Variants in SOCS5 observed in about 807,000 individuals in gnomAD.
SOCS5 encodes the protein suppressor of cytokine signaling 5.
SOCS5 carries 32 observed loss-of-function variants against 42.8 expected under a neutral mutation model. The observed-to-expected ratio is 0.75, with a 90% CI of 0.56 to 1.01. The LOEUF is 1.01. Among genes scored for constraint, SOCS5 ranks in the 50% least tolerant of loss-of-function variants. SOCS5 has a pLI of 0.00. For missense variants in SOCS5, 627 were observed against 653.0 expected, an observed-to-expected ratio of 0.96 and a Z score of 0.43; for synonymous variants, 283 against 229.6, an observed-to-expected ratio of 1.23 and a Z score of -2.10.
intron 1 of SOCS5, among the ~76,000 whole-genome samples, chr2:46,722,227 G>C (rs532602203): frequency 1.3e-5 from 2 of 152,148 alleles, no homozygotes; most frequent in Admixed American, 6.5e-5. Context: ...ATCTTTGTAA[G>C]TAATTTTTTA....
chr2:46,736,009 C>A (rs1673236385), intron 1 of SOCS5, among the ~76,000 whole-genome samples: 1 of 149,262 alleles, frequency 6.7e-6, no homozygotes, highest in Non-Finnish European at 1.5e-5. Flanking sequence ...CATTCCCCTT[C>A]CCTTCCCTCC....
chr2:46,751,240 G>A (rs1157461818), intron 1 of SOCS5, among the ~76,000 whole-genome samples: 4 of 151,976 alleles, frequency 2.6e-5, no homozygotes, highest in Non-Finnish European at 2.9e-5. Flanking sequence ...AGCCATTACT[G>A]TCAAGATTAT....
chr2:46,710,203 G>A (rs1572829779), intron 1 of SOCS5, among the ~76,000 whole-genome samples: 2 of 152,262 alleles, frequency 1.3e-5, no homozygotes, highest in African/African-American at 4.8e-5. Context: ...CTGGAGTGCA[G>A]TGGCGCAATC....
intron 1 of SOCS5, among the ~76,000 whole-genome samples, chr2:46,739,072 G>C (rs1215060546): frequency 6.6e-6 from 1 of 152,180 alleles, no homozygotes; most frequent in Non-Finnish European, 1.5e-5. Context: ...CCAGTAGAAA[G>C]TGGATGCTTC....
At chr2:46,740,830 G>T (rs901164750) in intron 1 of SOCS5, among the ~76,000 whole-genome samples, 2 of 152,116 alleles carry the variant, frequency 1.3e-5, no homozygotes, top group African/African-American at 2.4e-5. Context: ...TTGTGTCACT[G>T]ATTTTGTTCT....
intron 1 of SOCS5, among the ~76,000 whole-genome samples, chr2:46,741,518 AT>A (rs1673375744): frequency 6.6e-6 from 1 of 152,192 alleles, no homozygotes. Flanking sequence ...TGAATCTAAT[AT>A]TTTGGAAAGT....
At chr2:46,736,126 G>A (rs748057380) in intron 1 of SOCS5, among the ~76,000 whole-genome samples, 19 of 151,318 alleles carry the variant, frequency 1.3e-4, no homozygotes, top group Non-Finnish European at 1.8e-4. Flanking sequence ...CTGCAGCCTC[G>A]ACTTTCTGGG....
At chr2:46,750,655 C>T (rs577702835) in intron 1 of SOCS5, among the ~76,000 whole-genome samples, 1 of 152,238 alleles carries the variant, frequency 6.6e-6, no homozygotes, top group East Asian at 1.9e-4. Flanking sequence ...AATACCAGAA[C>T]ATTTCTGAGC....
rs35187667 is a variant in SOCS5, at chr2:46,716,367, A to ATTTTTTTTTTTTTT, written c.-13+16934_-13+16947dup. ...GGATTTCATGATGTTGAGTGTCTTC[A>ATTTTTTTTTTTTTT]TTTTTTTTTTTTTTTTTTTTTTTTT... is the stretch of plus-strand genomic sequence containing the variant. On this transcript the variant is annotated intron_variant, in intron 1 of 1. Transcript: ENST00000394861. Among the ~76,000 whole-genome samples, 9 of 17,040 alleles carry ATTTTTTTTTTTTTT rather than the reference A, an allele frequency of 5.3e-4. 1 individual carries two copies. Among genetic ancestry groups the ATTTTTTTTTTTTTT allele is most frequent in the East Asian group, 2.6e-3 (1 of 388 alleles). The allele number at this position is 17,040 out of a possible 152,430, so 11.2% of individuals were successfully genotyped here.
chr2:46,730,728 T>A (rs2103726829), intron 1 of SOCS5, among the ~76,000 whole-genome samples: 1 of 152,356 alleles, frequency 6.6e-6, no homozygotes, highest in African/African-American at 2.4e-5. Flanking sequence ...CACTTGCTAA[T>A]TGATGGGAAA....
chr2:46,751,398 TA>T lies in SOCS5; in HGVS notation c.-12-7112del, dbSNP rs990420673. Among the ~76,000 whole-genome samples the T allele has an allele frequency of 2.2e-4, 33 of 151,014 alleles. No homozygotes were observed. In the East Asian group the frequency reaches 3.1e-3, roughly 14 times the overall value. ...GATTCCATCTCTGACATAGTTTACT[TA>T]AAAAAAAATACACTTTATAAGAAAT... is the stretch of plus-strand genomic sequence containing the variant. On this transcript the variant is annotated intron_variant, in intron 1 of 1. Coordinates refer to ENST00000394861, the MANE Select transcript of SOCS5 (RefSeq NM_144949.3).
intron 1 of SOCS5, among the ~76,000 whole-genome samples, chr2:46,740,593 C>G (rs2103740188): frequency 6.6e-6 from 1 of 152,178 alleles, no homozygotes; most frequent in South Asian, 2.1e-4. Flanking sequence ...GAAAGTGGCA[C>G]CTGTGAGGAA....
chr2:46,725,233 T>A (rs1572836330), intron 1 of SOCS5, among the ~76,000 whole-genome samples: 1 of 152,114 alleles, frequency 6.6e-6, no homozygotes, highest in South Asian at 2.1e-4. Context: ...ATCCTTTTAC[T>A]TCTAACCTAC....
intron 1 of SOCS5, among the ~76,000 whole-genome samples, chr2:46,708,115 T>A (rs72881382): frequency 6.6e-6 from 1 of 152,188 alleles, no homozygotes; most frequent in Non-Finnish European, 1.5e-5. Context: ...TTGTGGTAGA[T>A]AGATGACAGT....
At chr2:46,705,933 G>A (rs990554332) in intron 1 of SOCS5, among the ~76,000 whole-genome samples, 1 of 152,128 alleles carries the variant, frequency 6.6e-6, no homozygotes, top group African/African-American at 2.4e-5. Flanking sequence ...TGCATTTAGG[G>A]GAAGATATTC....
At position 46,761,589 on chromosome 2, in the gene SOCS5, AAAG is replaced by A. The variant is rs1673871224; in HGVS notation, c.*1449_*1451del. ...TTATGGCTGCTTTTTTTGTGCTAATAAAGTATGTTTGGTGTTCTCCTTGTATAT... is the reference window on the plus strand; with the variant it reads ...TTATGGCTGCTTTTTTTGTGCTAATATATGTTTGGTGTTCTCCTTGTATAT... On this transcript the variant is annotated 3_prime_UTR_variant, in exon 2 of 2. Transcript: ENST00000394861. 6.0e-6 allele frequency: 1 copy of A among 166,960 alleles called. No homozygotes were observed. The highest frequency in any genetic ancestry group is 6.5e-5 in the Admixed American group (1 of 15,268). 10.3% of individuals were successfully genotyped at this position (166,960 alleles called of 1,614,324 possible). A position where few individuals can be genotyped will look rare whatever the true frequency, so the allele number is the denominator to read the frequency against.
intron 1 of SOCS5, among the ~76,000 whole-genome samples, chr2:46,724,065 T>C (rs534851961): frequency 2.4e-4 from 36 of 152,188 alleles, no homozygotes; most frequent in African/African-American, 8.7e-4. Flanking sequence ...TCATTGGTAA[T>C]ATATAAAAAT....
intron 1 of SOCS5, among the ~76,000 whole-genome samples, chr2:46,733,159 A>C (rs1033598704): frequency 6.6e-6 from 1 of 151,930 alleles, no homozygotes; most frequent in Admixed American, 6.6e-5. Context: ...CAGTGGCGCG[A>C]TCTCAGCTCA....
intron 1 of SOCS5, among the ~76,000 whole-genome samples, chr2:46,751,220 T>C (rs1363680153): frequency 6.6e-6 from 1 of 152,120 alleles, no homozygotes. Context: ...ATAATGTAAA[T>C]TGTCATCACA....
Sources: allele counts gnomAD v4.1 joint callset (sites outside exome capture counted in the v4.1 genomes callset), GRCh38; gene constraint gnomAD v4.1.1; transcripts MANE v1.5; gene names NCBI Gene and HGNC (gene_info 2026-07-23, HGNC 2026-07-21).